Variants in RBMS3 observed in about 807,000 individuals in gnomAD.
RBMS3 encodes RNA binding motif single stranded interacting protein 3.
Under a neutral mutation model 66.8 loss-of-function variants are expected in RBMS3, and 27 were observed. The ratio of observed to expected loss-of-function variants is 0.40; its 90% CI spans 0.30 to 0.56. RBMS3 has a LOEUF of 0.56. Among genes scored for constraint, RBMS3 ranks in the 20% least tolerant of loss-of-function variants. The pLI, the probability that RBMS3 is intolerant of heterozygous loss-of-function variation, is 0.40. For synonymous variants in RBMS3, 188 were observed against 183.0 expected, an observed-to-expected ratio of 1.03 and a Z score of -0.22; for missense variants, 513 against 549.5, an observed-to-expected ratio of 0.93 and a Z score of 0.66.
intron 6 of RBMS3, among the ~76,000 whole-genome samples, chr3:29,836,148 A>G (rs1180540338): frequency 6.6e-6 from 1 of 152,048 alleles, no homozygotes; most frequent in Non-Finnish European, 1.5e-5. Flanking sequence ...AGAAAAACCT[A>G]TGACCTAATG....
At chr3:29,913,687 C>A (rs1485700895) in intron 10 of RBMS3, among the ~76,000 whole-genome samples, 2 of 151,902 alleles carry the variant, frequency 1.3e-5, no homozygotes, top group African/African-American at 4.8e-5. Context: ...GAAGAGAAAC[C>A]TTTTATCAAA....
At chr3:29,766,314 A>T (rs1445302532) in intron 6 of RBMS3, 1 of 151,900 alleles carries the variant, frequency 6.6e-6, no homozygotes, top group Non-Finnish European at 1.5e-5. Context: ...CTACTATGTC[A>T]TTTCTAAAAA....
chr3:29,580,055 T>C (rs1239093166), intron 3 of RBMS3, among the ~76,000 whole-genome samples: 1 of 152,228 alleles, frequency 6.6e-6, no homozygotes, highest in East Asian at 1.9e-4. Context: ...GTAACATAAA[T>C]GGAATGAGAA....
chr3:29,859,508 G>A (rs560335025), intron 6 of RBMS3, among the ~76,000 whole-genome samples: 21 of 152,258 alleles, frequency 1.4e-4, no homozygotes, highest in Admixed American at 5.9e-4. Context: ...CAAGCAATTC[G>A]TTAAACTTTT....
intron 6 of RBMS3, among the ~76,000 whole-genome samples, chr3:29,799,325 G>T (rs1249987156): frequency 2.0e-5 from 3 of 152,140 alleles, no homozygotes; most frequent in African/African-American, 7.2e-5. Context: ...ATATGCTTGA[G>T]ATTTCCCACA....
At chr3:29,829,038 CTTTCTTTCTTTT>C (rs2058290970) in intron 6 of RBMS3, among the ~76,000 whole-genome samples, 1 of 38,524 alleles carries the variant, frequency 2.6e-5, no homozygotes, top group African/African-American at 9.1e-5. Flanking sequence ...TTCTTTCTTT[CTTTCTTTCTTTT>C]GTTTTGTTTT....
chr3:29,419,159 T>C (rs2040599106), intron 1 of RBMS3, among the ~76,000 whole-genome samples: 1 of 152,154 alleles, frequency 6.6e-6, no homozygotes, highest in East Asian at 1.9e-4. Flanking sequence ...ATACTCTTAA[T>C]ACAGGTAAGT....
At chr3:29,479,610 G>T (rs2043063532) in intron 2 of RBMS3, among the ~76,000 whole-genome samples, 1 of 152,008 alleles carries the variant, frequency 6.6e-6, no homozygotes, top group Non-Finnish European at 1.5e-5. Context: ...AGAAATAATT[G>T]GTGATCAAAT....
chr3:29,740,555 T>G (rs781670281), intron 5 of RBMS3, among the ~76,000 whole-genome samples: 1 of 152,212 alleles, frequency 6.6e-6, no homozygotes, highest in Non-Finnish European at 1.5e-5. Flanking sequence ...GTTTAAATAG[T>G]TGTACCTGCT....
intron 5 of RBMS3, among the ~76,000 whole-genome samples, chr3:29,749,624 A>T (rs2055082705): frequency 6.6e-6 from 1 of 152,214 alleles, no homozygotes. Context: ...TTGAGGTCCC[A>T]AAATATCTTG....
intron 5 of RBMS3, among the ~76,000 whole-genome samples, chr3:29,746,533 A>C (rs1338573127): frequency 6.6e-6 from 1 of 152,152 alleles, no homozygotes; most frequent in Non-Finnish European, 1.5e-5. Context: ...TCTGCTGGAG[A>C]GTATACTCCT....
At chr3:29,836,785 A>G (rs900733478) in intron 6 of RBMS3, among the ~76,000 whole-genome samples, 1 of 150,542 alleles carries the variant, frequency 6.6e-6, no homozygotes, top group South Asian at 2.1e-4. Context: ...ATTTCACTAT[A>G]TATATATATA....
At chr3:29,503,411 A>G (rs1324594071) in intron 3 of RBMS3, among the ~76,000 whole-genome samples, 1 of 152,002 alleles carries the variant, frequency 6.6e-6, no homozygotes, top group Non-Finnish European at 1.5e-5. Context: ...TTCAACAGCT[A>G]TATTCAAGCA....
At chr3:29,415,083 T>A (rs1055814430) in intron 1 of RBMS3, among the ~76,000 whole-genome samples, 1 of 152,200 alleles carries the variant, frequency 6.6e-6, no homozygotes, top group African/African-American at 2.4e-5. Context: ...GTTCTCCCTG[T>A]GTAAGAAAGA....
At position 29,524,415 on chromosome 3, in the gene RBMS3, A is replaced by ATTTTTTTTTTT. The variant is rs1222102515; in HGVS notation, c.307+35935_307+35945dup. On this transcript the variant is annotated intron_variant, in intron 3 of 14. Transcript: ENST00000383767. ...GGAAGATATGAGTGACTCCCTTTAC[A>ATTTTTTTTTTT]TTTTTTTTTTTTTTTTTTTTTTTTT... Among the ~76,000 whole-genome samples, 153 of 57,114 alleles carry ATTTTTTTTTTT rather than the reference A, an allele frequency of 2.7e-3. 16 individuals are homozygous for ATTTTTTTTTTT. The highest frequency in any genetic ancestry group is 7.6e-3 in the East Asian group (12 of 1,586). 37.5% of individuals were successfully genotyped at this position (57,114 alleles called of 152,430 possible).
At chr3:29,753,173 G>A (rs1331564322) in intron 5 of RBMS3, among the ~76,000 whole-genome samples, 1 of 152,138 alleles carries the variant, frequency 6.6e-6, no homozygotes, top group Non-Finnish European at 1.5e-5. Flanking sequence ...GCCCTTTAAT[G>A]AATAGCAAAA....
chr3:29,759,468 C>T (rs2055567343), intron 5 of RBMS3, among the ~76,000 whole-genome samples: 1 of 152,078 alleles, frequency 6.6e-6, no homozygotes, highest in South Asian at 2.1e-4. Context: ...TTTCAGGTAC[C>T]GCCTAGGAAG....
At chr3:29,500,399 T>A (rs1013816887) in intron 3 of RBMS3, among the ~76,000 whole-genome samples, 3 of 149,286 alleles carry the variant, frequency 2.0e-5, no homozygotes, top group Non-Finnish European at 4.4e-5. Context: ...CAAATAAGAA[T>A]AACTCCAAGT....
Position 29,935,331 on chromosome 3 carries a change from TAATA to T in RBMS3, c.940-751_940-748del, listed in dbSNP as rs536135792. On this transcript the variant is annotated intron_variant, in intron 10 of 14. Transcript: ENST00000383767. ...TAATTTCTTTTATCCCCAACAATGA[TAATA>T]AATCAAAAGACATATTCTAGACATC... Among the ~76,000 whole-genome samples, 59 of 152,190 alleles carry T rather than the reference TAATA, an allele frequency of 3.9e-4. No individual in the cohort carries two copies. The South Asian group carries it at 7.7e-3, about 20-fold the overall frequency.
Sources: allele counts gnomAD v4.1 joint callset (sites outside exome capture counted in the v4.1 genomes callset), GRCh38; gene constraint gnomAD v4.1.1; transcripts MANE v1.5; gene names NCBI Gene and HGNC (gene_info 2026-07-23, HGNC 2026-07-21).